Variants in RBBP8NL observed in about 807,000 individuals in gnomAD.
RBBP8NL encodes RBBP8 N-terminal like, also known as RBBP8 N-terminal-like protein.
RBBP8NL carries 59 observed loss-of-function variants against 62.2 expected under a neutral mutation model. The ratio of observed to expected loss-of-function variants is 0.95; its 90% CI spans 0.77 to 1.18. The LOEUF is 1.18. Ranked by LOEUF, RBBP8NL falls within the 50% of genes most tolerant of loss-of-function variation. The pLI is 0.00. For synonymous variants in RBBP8NL, 412 were observed against 394.1 expected, an observed-to-expected ratio of 1.05 and a Z score of -0.54; for missense variants, 896 against 899.5, an observed-to-expected ratio of 1.00 and a Z score of 0.05.
chr20:62,417,459 T>TGTGGGGACTTG lies in RBBP8NL; in HGVS notation c.105-141_105-140insCAAGTCCCCAC, dbSNP rs1569025605. 427 of 607,110 alleles carry TGTGGGGACTTG rather than the reference T, an allele frequency of 7.0e-4. 4 individuals are homozygous for TGTGGGGACTTG. In the African/African-American group the frequency reaches 0.01, roughly 14 times the overall value. The allele number at this position is 607,110 out of a possible 1,614,324, so 37.6% of individuals were successfully genotyped here. A position where few individuals can be genotyped will look rare whatever the true frequency, so the allele number is the denominator to read the frequency against. ...GGCAACGCCTAACCCGGTGCCCCCCTCCCAGTCATCTGCACGCTCCTCTGT... is the reference window on the plus strand; with the variant it reads ...GGCAACGCCTAACCCGGTGCCCCCCTGTGGGGACTTGCCCAGTCATCTGCACGCTCCTCTGT... On this transcript the variant is annotated intron_variant, in intron 3 of 13. Transcript: ENST00000252998.
At chr20:62,425,990 CAGTGGG>C (rs1480457125) in intron 1 of RBBP8NL, among the ~76,000 whole-genome samples, 1 of 147,354 alleles carries the variant, frequency 6.8e-6, no homozygotes, top group African/African-American at 2.6e-5. Flanking sequence ...GTAGCAGTGG[CAGTGGG>C]AGTGGCAGTG....
chr20:62,411,668 C>T (rs913825036), intron 13 of RBBP8NL, among the ~76,000 whole-genome samples: 5 of 152,252 alleles, frequency 3.3e-5, no homozygotes, highest in Non-Finnish European at 1.5e-5. Flanking sequence ...TCATGCTGGG[C>T]AGGGACCTGC....
chr20:62,413,947 G>A lies in RBBP8NL; in HGVS notation c.1404C>T (p.Ala468=), dbSNP rs375826789. The A allele has an allele frequency of 5.8e-5, 92 of 1,584,298 alleles. No individual in the cohort carries two copies. The highest frequency in any genetic ancestry group is 2.4e-4 in the African/African-American group (18 of 74,416). The change falls in exon 10 of 14, where the codon GCC becomes GCT. Residue 468 remains alanine (A), a synonymous_variant. Coordinates refer to ENST00000252998, the MANE Select transcript of RBBP8NL (RefSeq NM_080833.3). ...PAGQHGSLSP[A]AAHTASPEPP... ...GCTCGGGGCTGGCAGTGTGGGCAGCGGCAGGGCTGAGTGACCCATGCTGGC... is the reference window on the plus strand; with the variant it reads ...GCTCGGGGCTGGCAGTGTGGGCAGCAGCAGGGCTGAGTGACCCATGCTGGC...
At chr20:62,415,482 G>T (rs1045086669) in intron 8 of RBBP8NL, 96 bp downstream of exon 8, 9 of 1,434,470 alleles carry the variant, frequency 6.3e-6, no homozygotes, top group African/African-American at 1.4e-5. Context: ...AGGGTTAGGC[G>T]CATGAGAGGC....
intron 1 of RBBP8NL, among the ~76,000 whole-genome samples, chr20:62,421,066 C>T (rs1207217101): frequency 6.6e-6 from 1 of 152,238 alleles, no homozygotes; most frequent in African/African-American, 2.4e-5. Context: ...CCCCTCCTCC[C>T]ACAGATTGGC....
intron 3 of RBBP8NL, 90 bp from the exon 4 acceptor site, chr20:62,417,409 T>A (rs1257616422): frequency 2.0e-6 from 2 of 1,016,354 alleles, no homozygotes; most frequent in Non-Finnish European, 2.9e-6. Context: ...GCAGCGCGAT[T>A]CGGCACCTGC....
chr20:62,424,556 C>T (rs972711084), intron 1 of RBBP8NL, among the ~76,000 whole-genome samples: 2 of 152,192 alleles, frequency 1.3e-5, no homozygotes, highest in Non-Finnish European at 2.9e-5. Flanking sequence ...ACGTGCTGCT[C>T]TCACCAGAAC....
intron 2 of RBBP8NL, 137 bp downstream of exon 2, chr20:62,419,450 G>T: frequency 1.1e-6 from 1 of 894,586 alleles, no homozygotes; most frequent in Non-Finnish European, 1.7e-6. Context: ...TCCCCTGCCT[G>T]GGCCAAAAAG....
At chr20:62,411,829 G>A (rs945379319) in intron 13 of RBBP8NL, among the ~76,000 whole-genome samples, 11 of 152,364 alleles carry the variant, frequency 7.2e-5, no homozygotes, top group African/African-American at 1.7e-4. Flanking sequence ...AATAAGGGCC[G>A]TGCTGGTCTC....
intron 1 of RBBP8NL, among the ~76,000 whole-genome samples, 151 bp from the exon 2 acceptor site, chr20:62,419,881 C>T (rs1046888219): frequency 1.3e-5 from 2 of 152,184 alleles, no homozygotes; most frequent in East Asian, 1.9e-4. Flanking sequence ...TGGAGGCTCC[C>T]GAACCCCACG....
intron 1 of RBBP8NL, among the ~76,000 whole-genome samples, chr20:62,425,650 G>A (rs1988787448): frequency 6.6e-6 from 1 of 152,250 alleles, no homozygotes; most frequent in Admixed American, 6.5e-5. Flanking sequence ...TGGGCTCCCC[G>A]CCTCTCCGAG....
intron 1 of RBBP8NL, among the ~76,000 whole-genome samples, chr20:62,426,694 C>T (rs1988815888): frequency 6.6e-6 from 1 of 152,256 alleles, no homozygotes; most frequent in South Asian, 2.1e-4. Context: ...GTGGTGAGCC[C>T]TGACCCAGGC....
In RBBP8NL at chr20:62,413,553, G is replaced by A. The variant is rs780169771; in HGVS notation, c.1531-8C>T. On this transcript the variant is annotated splice_region_variant and splice_polypyrimidine_tract_variant and intron_variant, in intron 10 of 13. Transcript: ENST00000252998. ...AAGTGGGCGTGAGGGGTCCTGGGGG[G>A]AGGCAAGTAGGTGGCTTGAGTTTAT... 6.6e-7 allele frequency: 1 copy of A among 1,517,292 alleles called. No individual in the cohort carries two copies. Among genetic ancestry groups the A allele is most frequent in the Admixed American group, 2.4e-5 (1 of 41,260 alleles). The allele number at this position is 1,517,292 out of a possible 1,614,324, so 94.0% of individuals were successfully genotyped here.
chr20:62,418,291 CCG>C (rs1002627672), intron 3 of RBBP8NL, 130 bp downstream of exon 3: 21 of 919,552 alleles, frequency 2.3e-5, no homozygotes, highest in Non-Finnish European at 3.6e-5. Context: ...GTGACTCCCC[CCG>C]CCCCCACACT....
chr20:62,413,400 C>A lies in RBBP8NL; in HGVS notation c.1675+1G>T. The A allele has an allele frequency of 7.0e-7, 1 of 1,437,474 alleles. No individual in the cohort carries two copies. Among genetic ancestry groups the A allele is most frequent in the South Asian group, 1.7e-5 (1 of 60,044 alleles). 89.0% of individuals were successfully genotyped at this position (1,437,474 alleles called of 1,614,324 possible). ...ACTCTGACCCCAGGTGCTGACTGTA[C>A]CTGGGTGGCCGTCCAGGTCAGGCGG... On this transcript the variant is annotated splice_donor_variant, in intron 11 of 13. Coordinates refer to ENST00000252998, the MANE Select transcript of RBBP8NL (RefSeq NM_080833.3). LOFTEE classifies it high-confidence loss of function.
In RBBP8NL at chr20:62,413,430, G is replaced by C. The variant is rs139415923; in HGVS notation, c.1646C>G (p.Pro549Arg). 9.7e-5 allele frequency: 141 copies of C among 1,460,846 alleles called. No individual in the cohort carries two copies. The African/African-American group carries it at 1.9e-3, about 20-fold the overall frequency. The allele number at this position is 1,460,846 out of a possible 1,614,324, so 90.5% of individuals were successfully genotyped here. Residue 549 changes from proline to arginine, a missense_variant, in exon 11 of 14, where the codon CCA becomes CGA. By Grantham distance (103) the Pro-to-Arg change is moderately radical. Coordinates refer to ENST00000252998, the MANE Select transcript of RBBP8NL (RefSeq NM_080833.3). ...PPPHPQPPPH[P>R]QPPDLDGHPE... Reference sequence around the variant, plus strand: ...GTGGCCGTCCAGGTCAGGCGGCTGTGGGTGGGGAGGCGGCTGTGGGTGGGG... The same window carrying C: ...GTGGCCGTCCAGGTCAGGCGGCTGTCGGTGGGGAGGCGGCTGTGGGTGGGG...
chr20:62,416,528 G>C (rs923085246), intron 5 of RBBP8NL, among the ~76,000 whole-genome samples: 11 of 152,224 alleles, frequency 7.2e-5, no homozygotes, highest in Admixed American at 2.0e-4. Flanking sequence ...CGCGCCCAGT[G>C]GGGGCCGGGA....
intron 1 of RBBP8NL, among the ~76,000 whole-genome samples, chr20:62,420,857 TG>T (rs1435062816): frequency 6.6e-6 from 1 of 152,246 alleles, no homozygotes; most frequent in Non-Finnish European, 1.5e-5. Flanking sequence ...GGGTATCTTG[TG>T]GTCTCACGGA....
chr20:62,422,944 CGGAG>C lies in RBBP8NL; in HGVS notation c.-83-3218_-83-3215del, dbSNP rs368819243. On this transcript the variant is annotated intron_variant, in intron 1 of 13. Coordinates refer to ENST00000252998, the MANE Select transcript of RBBP8NL (RefSeq NM_080833.3). ...GGGCTTTGGGGCCTCCAGCCACCCT[CGGAG>C]GGAGTGGGGGTGACAGTTGGCGGCT... 9.1e-4 allele frequency among the ~76,000 whole-genome samples: 139 copies of C among 151,976 alleles called. 3 individuals carry two copies. The East Asian group carries it at 0.024, about 27-fold the overall frequency.
Sources: allele counts gnomAD v4.1 joint callset (sites outside exome capture counted in the v4.1 genomes callset), GRCh38; gene constraint gnomAD v4.1.1; transcripts MANE v1.5; gene names NCBI Gene and HGNC (gene_info 2026-07-23, HGNC 2026-07-21).